Variants in COL21A1 observed in about 807,000 individuals in gnomAD.
COL21A1 encodes the protein collagen alpha-1(XXI) chain.
COL21A1 carries 149 observed loss-of-function variants against 137.9 expected under a neutral mutation model. The ratio of observed to expected loss-of-function variants is 1.08; its 90% CI spans 0.95 to 1.24. The LOEUF (loss-of-function observed/expected upper bound fraction) is 1.24, where lower values mean the gene tolerates loss of function less well. Among genes scored for constraint, COL21A1 ranks in the 50% most tolerant of loss-of-function variants. The pLI is 0.00. For missense variants in COL21A1, 1,167 were observed against 1,158.4 expected (o/e 1.01, Z -0.11); for synonymous variants, 456 against 391.5 (o/e 1.16, Z -1.95).
In COL21A1 at chr6:56,135,325, A is replaced by G. The variant is rs530373085; in HGVS notation, c.1542+6460T>C. On this transcript the variant is annotated intron_variant, in intron 12 of 29. Transcript: ENST00000244728. ...ATAAAAGATATGAGAAAACCGGCAA[A>G]TTACAGAGAAGTAACACAATGCCCC... 3.9e-5 allele frequency among the ~76,000 whole-genome samples: 6 copies of G among 152,266 alleles called. No homozygotes were observed. In the South Asian group the frequency reaches 1.2e-3, roughly 32 times the overall value.
At chr6:56,342,595 A>C (rs1195625528) in intron 1 of COL21A1, among the ~76,000 whole-genome samples, 2 of 152,180 alleles carry the variant, frequency 1.3e-5, no homozygotes, top group African/African-American at 2.4e-5. Flanking sequence ...ACCATCGACT[A>C]TATATGTCAT....
At chr6:56,391,065 G>A (rs960317188) in intron 1 of COL21A1, among the ~76,000 whole-genome samples, 1 of 152,042 alleles carries the variant, frequency 6.6e-6, no homozygotes, top group African/African-American at 2.4e-5. Flanking sequence ...AGACCATATG[G>A]TAGGTCACAA....
chr6:56,130,165 T>TTATATATATATATATATATA (rs201644225), intron 12 of COL21A1, among the ~76,000 whole-genome samples: 1 of 107,942 alleles, frequency 9.3e-6, no homozygotes, highest in Non-Finnish European at 1.9e-5. Context: ...TGACAGGGTT[T>TTATATATATATATATATATA]TATATATATA....
At chr6:56,305,726 C>T (rs1182122194) in intron 1 of COL21A1, among the ~76,000 whole-genome samples, 1 of 152,036 alleles carries the variant, frequency 6.6e-6, no homozygotes, top group East Asian at 1.9e-4. Flanking sequence ...AGCATTTAGT[C>T]CATTTACATT....
chr6:56,155,936 A>G (rs1775711419), intron 10 of COL21A1, among the ~76,000 whole-genome samples: 1 of 152,242 alleles, frequency 6.6e-6, no homozygotes, highest in African/African-American at 2.4e-5. Context: ...TCTTATAAAC[A>G]TGCTGATAGT....
chr6:56,182,237 T>A (rs942169048), intron 2 of COL21A1, among the ~76,000 whole-genome samples: 1 of 152,176 alleles, frequency 6.6e-6, no homozygotes, highest in Non-Finnish European at 1.5e-5. Context: ...GCTTTCTTTA[T>A]CTTCCTATCA....
intron 1 of COL21A1, among the ~76,000 whole-genome samples, chr6:56,345,628 T>C (rs1201084996): frequency 1.3e-5 from 2 of 152,216 alleles, no homozygotes; most frequent in Non-Finnish European, 2.9e-5. Context: ...CGCTACATCT[T>C]CCTGGGCCCC....
chr6:56,111,151 C>CAAA (rs34644083), intron 16 of COL21A1, among the ~76,000 whole-genome samples: 182 of 142,486 alleles, frequency 1.3e-3, no homozygotes, highest in East Asian at 2.8e-3. Context: ...TATCCTTTTC[C>CAAA]AAAAAAAAAA....
intron 1 of COL21A1, among the ~76,000 whole-genome samples, chr6:56,238,902 C>A (rs1158374859): frequency 6.6e-6 from 1 of 152,134 alleles, no homozygotes; most frequent in African/African-American, 2.4e-5. Context: ...TTTGTATCTG[C>A]CAGCCCTTAT....
At chr6:56,145,262 G>T (rs1441788331) in intron 10 of COL21A1, among the ~76,000 whole-genome samples, 1 of 152,064 alleles carries the variant, frequency 6.6e-6, no homozygotes, top group African/African-American at 2.4e-5. Flanking sequence ...AATAATAAGT[G>T]CTTCTCACAA....
intron 16 of COL21A1, among the ~76,000 whole-genome samples, chr6:56,107,747 T>C (rs535212445): frequency 1.6e-4 from 24 of 152,130 alleles, no homozygotes; most frequent in Non-Finnish European, 2.9e-4. Flanking sequence ...GAATTCAGAA[T>C]ACTGTATTCA....
intron 3 of COL21A1, among the ~76,000 whole-genome samples, chr6:56,176,537 G>C (rs569135019): frequency 6.7e-6 from 1 of 149,498 alleles, no homozygotes; most frequent in Admixed American, 6.7e-5. Flanking sequence ...AATCATCAGA[G>C]AAATGCAAAT....
intron 1 of COL21A1, among the ~76,000 whole-genome samples, chr6:56,215,964 C>G (rs1487798997): frequency 6.6e-6 from 1 of 152,032 alleles, no homozygotes; most frequent in East Asian, 1.9e-4. Context: ...CTGTGAGTTC[C>G]TTGAGGGCAG....
rs534708657 is a variant in COL21A1 at position 56,137,664 on chromosome 6, A to T, written c.1542+4121T>A. The stretch of plus-strand genomic sequence containing the variant: ...CAAAGAGAAGATAAAAATCAAGTTT[A>T]GAACCAACAAAATATAAAGCATTCT... On this transcript the variant is annotated intron_variant, in intron 12 of 29. Transcript: ENST00000244728. 2.2e-4 allele frequency among the ~76,000 whole-genome samples: 33 copies of T among 152,320 alleles called. No individual in the cohort carries two copies. The East Asian group carries it at 6.0e-3, about 28-fold the overall frequency.
At chr6:56,200,049 T>C (rs1398720878) in intron 1 of COL21A1, among the ~76,000 whole-genome samples, 1 of 152,142 alleles carries the variant, frequency 6.6e-6, no homozygotes, top group East Asian at 1.9e-4. Context: ...ACACTTGAGC[T>C]GACACTTAAG....
At position 56,375,790 on chromosome 6, in the gene COL21A1, C is replaced by T. The variant is rs565570667; in HGVS notation, c.-39+18181G>A. On this transcript the variant is annotated intron_variant, in intron 1 of 28. Coordinates refer to the COL21A1 transcript ENST00000370819. ...GGCTTGGGGTGGGTGTGGGGGAGAG[C>T]TCATGGGGAAATTAAAGGCAGGAAG... Among the ~76,000 whole-genome samples the T allele has an allele frequency of 1.2e-4, 19 of 152,056 alleles. No homozygotes were observed. In the East Asian group the frequency reaches 3.5e-3, roughly 28 times the overall value.
chr6:56,273,780 C>A (rs536764815), intron 1 of COL21A1, among the ~76,000 whole-genome samples: 1 of 152,100 alleles, frequency 6.6e-6, no homozygotes, highest in African/African-American at 2.4e-5. Flanking sequence ...CAAATTCTAC[C>A]AGGCATTCAA....
At chr6:56,199,121 C>A (rs1331583371) in intron 1 of COL21A1, among the ~76,000 whole-genome samples, 1 of 151,728 alleles carries the variant, frequency 6.6e-6, no homozygotes, top group African/African-American at 2.4e-5. Context: ...AACCTGTATC[C>A]AGAACTGCTT....
chr6:56,166,923 A>G lies in COL21A1; in HGVS notation c.1261T>C (p.Cys421Arg). Residue 421 changes from cysteine (C) to arginine (R), a missense_variant, in exon 7 of 30, where the codon TGT (cysteine) becomes CGT (arginine). Cys to Arg is a radical substitution (Grantham distance 180). Coordinates refer to ENST00000244728, the MANE Select transcript of COL21A1 (RefSeq NM_030820.4). ...DPEQNNRETA[C>R]EIPGFNGECL... is the part of the protein sequence containing the mutation. Reference sequence around the variant, plus strand: ...CTACTTACAAATCCAGGAATCTCACATGCTGTCTCCCGGTTGTTCTGTTCT... The same window carrying G: ...CTACTTACAAATCCAGGAATCTCACGTGCTGTCTCCCGGTTGTTCTGTTCT... 1.2e-6 allele frequency: 2 copies of G among 1,612,618 alleles called. No individual in the cohort carries two copies. The highest frequency in any genetic ancestry group is 1.7e-6 in the Non-Finnish European group (2 of 1,179,304).
Sources: gnomAD v4.1 joint callset for allele counts (sites outside exome capture counted in the v4.1 genomes callset) on GRCh38, gnomAD v4.1.1 for gene constraint, MANE v1.5 for transcripts, NCBI Gene and HGNC (gene_info 2026-07-23, HGNC 2026-07-21) for gene names.